Variants in CARNS1 observed in about 807,000 individuals in gnomAD.
The protein encoded by CARNS1 is carnosine synthase 1.
In CARNS1, 61 loss-of-function variants were observed where a neutral mutation model predicts 74.0. The ratio of observed to expected loss-of-function variants is 0.82; its 90% CI spans 0.67 to 1.02. The LOEUF is 1.02. Among genes scored for constraint, CARNS1 ranks in the 50% least tolerant of loss-of-function variants. CARNS1 has a pLI of 0.00. For missense variants in CARNS1, 1,278 were observed against 1,308.4 expected (o/e 0.98, Z 0.36); for synonymous variants, 568 against 605.5 (o/e 0.94, Z 0.91).
intron 2 of CARNS1, 133 bp downstream of exon 2, chr11:67,416,335 C>A: frequency 6.7e-7 from 1 of 1,484,100 alleles, no homozygotes; most frequent in Non-Finnish European, 9.0e-7. Flanking sequence ...CCACGACCAG[C>A]TCCCCCACCC....
At position 67,420,916 on chromosome 11, in the gene CARNS1, C is replaced by A. The variant is rs1377268481; in HGVS notation, c.1346-23C>A. ...GAGGGCGGTGGCTGCCGTAGCTGAG[C>A]TCGCGCCTCCCGCCCGGCGCAGGCG... On this transcript the variant is annotated intron_variant, in intron 8 of 9. Coordinates refer to ENST00000687366, the MANE Select transcript of CARNS1 (RefSeq NM_001166222.2). The A allele has an allele frequency of 1.2e-5, 16 of 1,363,222 alleles. No individual in the cohort carries two copies. In the African/African-American group the frequency reaches 2.1e-4, roughly 18 times the overall value. The allele number at this position is 1,363,222 out of a possible 1,614,324, so 84.4% of individuals were successfully genotyped here. A position where few individuals can be genotyped will look rare whatever the true frequency, so the allele number is the denominator to read the frequency against.
Position 67,424,661 on chromosome 11 carries a change from C to T in CARNS1, c.*60C>T, listed in dbSNP as rs1190884648. ...TGGAGGCACTGTGGTGCCCTCTGCTCCCTGGAGCTCTTCCTGCTTCTCTCC... is the reference window on the plus strand; with the variant it reads ...TGGAGGCACTGTGGTGCCCTCTGCTTCCTGGAGCTCTTCCTGCTTCTCTCC... On this transcript the variant is annotated 3_prime_UTR_variant, in exon 10 of 10. Transcript: ENST00000687366. The T allele has an allele frequency of 7.4e-6, 11 of 1,487,360 alleles. No individual in the cohort carries two copies. The highest frequency in any genetic ancestry group is 9.0e-6 in the Non-Finnish European group (10 of 1,113,574). 92.1% of individuals were successfully genotyped at this position (1,487,360 alleles called of 1,614,324 possible).
At position 67,424,359 on chromosome 11, in the gene CARNS1, C is replaced by A. The variant is rs767885917; in HGVS notation, c.2611C>A (p.Gln871Lys). ...GVMCLVSQHLQALSSTASRET... is the reference protein window; with the variant it reads ...GVMCLVSQHLKALSSTASRET... ...CATGTGCCTTGTGTCCCAGCACCTG[C>A]AGGCCCTGAGTTCCACCGCCAGCCG... Residue 871 changes from glutamine to lysine, a missense_variant, in exon 10 of 10, where the codon CAG (glutamine) becomes AAG (lysine). Gln to Lys is a moderately conservative substitution (Grantham distance 53, BLOSUM62 1). This residue lies in a region of CARNS1 where 1,164 missense variants were observed against 1,156.5 expected (regional missense o/e 1.01). Coordinates refer to ENST00000687366, the MANE Select transcript of CARNS1 (RefSeq NM_001166222.2). The A allele has an allele frequency of 2.7e-5, 43 of 1,603,162 alleles. No individual in the cohort carries two copies. The highest frequency in any genetic ancestry group is 3.7e-5 in the Non-Finnish European group (43 of 1,175,212).
At chr11:67,422,785 C>T (rs1479868772) in intron 9 of CARNS1, among the ~76,000 whole-genome samples, 4 of 152,246 alleles carry the variant, frequency 2.6e-5, no homozygotes, top group African/African-American at 9.6e-5. Context: ...GTTTTCTCCA[C>T]TTGGAATGTC....
At chr11:67,416,477 G>A (rs1037686769) in intron 2 of CARNS1, 11 of 1,315,254 alleles carry the variant, frequency 8.4e-6, no homozygotes, top group African/African-American at 7.5e-5. Flanking sequence ...ACTGGGATTC[G>A]AGCCCAGGCA....
At position 67,417,621 on chromosome 11, in the gene CARNS1, G is replaced by A. The variant is rs1022883234; in HGVS notation, c.218G>A (p.Cys73Tyr). 6.2e-5 allele frequency: 79 copies of A among 1,276,216 alleles called. No homozygotes were observed. The highest frequency in any genetic ancestry group is 7.5e-5 in the Non-Finnish European group (76 of 1,009,328). 79.1% of individuals were successfully genotyped at this position (1,276,216 alleles called of 1,614,324 possible). The stretch of plus-strand genomic sequence containing the variant: ...TACTACTACAGCCTCCTGCAGAGCT[G>A]TCTGCAGCAAGCTGGCCTTCCGGAG... ...TVYYYSLLQS[C>Y]LQQAGLPETQ... The change falls in exon 3 of 10, where the codon TGT (cysteine) becomes TAT (tyrosine). Residue 73 changes from cysteine (C) to tyrosine (Y), a missense_variant. This residue lies in a region of CARNS1 where 104 missense variants were observed against 127.3 expected (regional missense o/e 0.82). Coordinates refer to ENST00000687366, the MANE Select transcript of CARNS1 (RefSeq NM_001166222.2).
chr11:67,416,199 G>A lies in CARNS1; in HGVS notation c.-1G>A. Reference sequence around the variant, plus strand: ...AGTCTCTCAGCCACTCCACCCACGAGATGGTGAGTCTTCTGTGGTCCCTCC... The same window carrying A: ...AGTCTCTCAGCCACTCCACCCACGAAATGGTGAGTCTTCTGTGGTCCCTCC... On this transcript the variant is annotated 5_prime_UTR_variant, in exon 2 of 10. Transcript: ENST00000687366. The A allele has an allele frequency of 6.5e-7, 1 of 1,535,774 alleles. No individual in the cohort carries two copies. The highest frequency in any genetic ancestry group is 8.7e-7 in the Non-Finnish European group (1 of 1,145,570).
rs200252332 is a variant in CARNS1 at position 67,424,236 on chromosome 11, T to C, written c.2488T>C (p.Tyr830His). The C allele has an allele frequency of 2.1e-4, 338 of 1,613,680 alleles. 5 individuals are homozygous for C. The Admixed American group carries it at 5.3e-3, about 26-fold the overall frequency. ...CCTGCGTGATTGGATCCTGGAGCTC[T>C]ATGGTGTTGACCTGCTGCTGGCTGC... ...FYLRDWILEL[Y>H]GVDLLLAAVM... Residue 830 changes from tyrosine (Y) to histidine (H), a missense_variant, in exon 10 of 10, where the codon TAT (tyrosine) becomes CAT (histidine). Physicochemically the swap from Tyr to His is moderately conservative, Grantham distance 83 (BLOSUM62 2). Around this residue, in one of 3 missense-constraint regions of CARNS1, gnomAD observed 1,164 missense variants for 1,156.5 expected, o/e 1.01. Transcript: ENST00000687366.
chr11:67,420,947 T>G lies in CARNS1; in HGVS notation c.1354T>G (p.Phe452Val). The stretch of plus-strand genomic sequence containing the variant: ...CCTCCCGCCCGGCGCAGGCGTGGAT[T>G]TCGCGCTGACAGCGGCCGGCGGCGT... ...RAHTDFLGVD[F>V]ALTAAGGVLT... is the part of the protein sequence containing the mutation. The change falls in exon 9 of 10, where the codon TTC becomes GTC. Residue 452 changes from phenylalanine (F) to valine (V), a missense_variant. By Grantham distance (50) the Phe-to-Val change is conservative. Coordinates refer to ENST00000687366, the MANE Select transcript of CARNS1 (RefSeq NM_001166222.2). The G allele has an allele frequency of 1.4e-6, 2 of 1,418,924 alleles. No individual in the cohort carries two copies. The highest frequency in any genetic ancestry group is 1.8e-6 in the Non-Finnish European group (2 of 1,088,276). 87.9% of individuals were successfully genotyped at this position (1,418,924 alleles called of 1,614,324 possible). A position where few individuals can be genotyped will look rare whatever the true frequency, so the allele number is the denominator to read the frequency against.
Position 67,420,820 on chromosome 11 carries a change from G to C in CARNS1, c.1325G>C (p.Arg442Pro), listed in dbSNP as rs1472880595. ...AGTGCCGAGCAGCGCGGCGGGCGCCGGGCGCACACGGACTTCCTGGGTGAG... is the reference window on the plus strand; with the variant it reads ...AGTGCCGAGCAGCGCGGCGGGCGCCCGGCGCACACGGACTTCCTGGGTGAG... ...GLSAEQRGGR[R>P]AHTDFLGVDF... Residue 442 changes from arginine to proline, a missense_variant, in exon 8 of 10, where the codon CGG becomes CCG. This residue lies in a region of CARNS1 where 1,164 missense variants were observed against 1,156.5 expected (regional missense o/e 1.01). Coordinates refer to ENST00000687366, the MANE Select transcript of CARNS1 (RefSeq NM_001166222.2). 8.2e-7 allele frequency: 1 copy of C among 1,222,062 alleles called. No individual in the cohort carries two copies. Among genetic ancestry groups the C allele is most frequent in the African/African-American group, 1.6e-5 (1 of 63,288 alleles). The allele number at this position is 1,222,062 out of a possible 1,614,324, so 75.7% of individuals were successfully genotyped here.
rs1197084405 is a variant in CARNS1 at position 67,420,801 on chromosome 11, G to A, written c.1306G>A (p.Glu436Lys). 8.1e-6 allele frequency: 10 copies of A among 1,229,032 alleles called. No individual in the cohort carries two copies. Among genetic ancestry groups the A allele is most frequent in the South Asian group, 3.6e-5 (1 of 27,520 alleles). 76.1% of individuals were successfully genotyped at this position (1,229,032 alleles called of 1,614,324 possible). Residue 436 changes from glutamate to lysine, a missense_variant, in exon 8 of 10, where the codon GAG becomes AAG. Glu to Lys is a moderately conservative substitution (Grantham distance 56). This residue lies in a region of CARNS1 where 1,164 missense variants were observed against 1,156.5 expected (regional missense o/e 1.01). Transcript: ENST00000687366. ...GGCTCTGGAGGCCGGCCTGAGTGCC[G>A]AGCAGCGCGGCGGGCGCCGGGCGCA... Reference protein sequence around the residue: ...VLALEAGLSAEQRGGRRAHTD... With the variant: ...VLALEAGLSAKQRGGRRAHTD...
chr11:67,416,974 C>G, intron 2 of CARNS1: 1 of 992,130 alleles, frequency 1.0e-6, no homozygotes, highest in Non-Finnish European at 1.2e-6. Context: ...TAAGCCACCT[C>G]AGAGTGATGG....
chr11:67,416,374 G>T, intron 2 of CARNS1, 172 bp downstream of exon 2: 1 of 1,451,876 alleles, frequency 6.9e-7, no homozygotes, highest in Non-Finnish European at 9.1e-7. Context: ...CTGGGAGGTG[G>T]GCACTCTTAG....
chr11:67,415,900 G>A (rs969391712), intron 1 of CARNS1, 137 bp downstream of exon 1: 1 of 201,224 alleles, frequency 5.0e-6, no homozygotes, highest in South Asian at 1.1e-4. Flanking sequence ...CCCGGGACCC[G>A]GTGCCCCCAA....
chr11:67,421,260 C>A (rs1415756852), intron 9 of CARNS1, 41 bp downstream of exon 9: 61 of 1,424,504 alleles, frequency 4.3e-5, no homozygotes, highest in Non-Finnish European at 5.5e-5. Context: ...CAGGTCCTGG[C>A]CCGAGTGGTG....
Position 67,419,240 on chromosome 11 carries a change from G to A in CARNS1, c.849G>A (p.Leu283=). 6.8e-7 allele frequency: 1 copy of A among 1,474,330 alleles called. No homozygotes were observed. The highest frequency in any genetic ancestry group is 9.0e-7 in the Non-Finnish European group (1 of 1,107,680). 91.3% of individuals were successfully genotyped at this position (1,474,330 alleles called of 1,614,324 possible). The change falls in exon 5 of 10, where the codon CTG becomes CTA. Residue 283 remains leucine, a synonymous_variant. Transcript: ENST00000687366. ...FLRSEALGDI[L]QVAVKLSGWR... ...GCTCCGAGGCCCTGGGTGATATCCT[G>A]CAGGTAACAGACTCTCGCCCACCCT...
In CARNS1 at chr11:67,424,012, C is replaced by T. The variant is rs780163566; in HGVS notation, c.2264C>T (p.Thr755Met). The T allele has an allele frequency of 1.5e-5, 24 of 1,612,840 alleles. 1 individual carries two copies. Among genetic ancestry groups the T allele is most frequent in the Middle Eastern group, 1.6e-4 (1 of 6,082 alleles). The change falls in exon 10 of 10, where the codon ACG becomes ATG. Residue 755 changes from threonine to methionine, a missense_variant. By Grantham distance (81) the Thr-to-Met change is moderately conservative (BLOSUM62 -1). Coordinates refer to ENST00000687366, the MANE Select transcript of CARNS1 (RefSeq NM_001166222.2). ...GCCTTTGTCTCCGACAATGGCCCTA[C>T]GAGGCTGCCTGGCTTCACTGAGACG... ...LAAFVSDNGP[T>M]RLPGFTETAA...
intron 4 of CARNS1, 41 bp from the exon 5 acceptor site, chr11:67,418,715 C>T (rs1408219698): frequency 6.6e-7 from 1 of 1,521,000 alleles, no homozygotes; most frequent in Non-Finnish European, 8.8e-7. Flanking sequence ...CATAGGGCAT[C>T]AAGCCTTCCC....
At position 67,420,992 on chromosome 11, in the gene CARNS1, G is replaced by C. The variant is rs1440007871; in HGVS notation, c.1399G>C (p.Glu467Gln). ...AGGVLTPVAL[E>Q]LNGGLCLEAC... ...CGGCGTGCTGACCCCAGTGGCCCTGGAGCTGAACGGCGGCCTGTGTCTGGA... is the reference window on the plus strand; with the variant it reads ...CGGCGTGCTGACCCCAGTGGCCCTGCAGCTGAACGGCGGCCTGTGTCTGGA... Residue 467 changes from glutamate (E) to glutamine (Q), a missense_variant, in exon 9 of 10, where the codon GAG (glutamate) becomes CAG (glutamine). Transcript: ENST00000687366. 1 of 1,424,714 alleles carries C rather than the reference G, an allele frequency of 7.0e-7. No individual in the cohort carries two copies. The highest frequency in any genetic ancestry group is 1.5e-5 in the African/African-American group (1 of 66,766). 88.3% of individuals were successfully genotyped at this position (1,424,714 alleles called of 1,614,324 possible). A position where few individuals can be genotyped will look rare whatever the true frequency, so the allele number is the denominator to read the frequency against.
Sources: gnomAD v4.1 joint callset for allele counts (sites outside exome capture counted in the v4.1 genomes callset) on GRCh38, gnomAD v4.1.1 for gene constraint, gnomAD v4.1.1 regional missense constraint, MANE v1.5 for transcripts, NCBI Gene and HGNC (gene_info 2026-07-23, HGNC 2026-07-21) for gene names.